Variants in NRDC observed in about 807,000 individuals in gnomAD.
NRDC encodes nardilysin convertase.
NRDC carries 54 observed loss-of-function variants against 147.1 expected under a neutral mutation model. The ratio of observed to expected loss-of-function variants is 0.37; its 90% confidence interval spans 0.29 to 0.46. NRDC has a LOEUF of 0.46. Ranked by LOEUF, NRDC falls within the 20% of genes least tolerant of loss-of-function variation. The pLI, the probability that NRDC is intolerant of heterozygous loss-of-function variation, is 1.00. For missense variants in NRDC, 1,082 were observed against 1,370.6 expected, an observed-to-expected ratio of 0.79 and a Z score of 3.33; for synonymous variants, 440 against 482.1, an observed-to-expected ratio of 0.91 and a Z score of 1.14.
intron 26 of NRDC, 36 bp downstream of exon 26, chr1:51,792,006 GGCCC>G: frequency 4.4e-6 from 7 of 1,607,678 alleles, no homozygotes; most frequent in Non-Finnish European, 6.0e-6. Context: ...GTAAGCCCTA[GGCCC>G]TTATTTGAGC....
chr1:51,843,063 C>CAA (rs11356852), intron 1 of NRDC, among the ~76,000 whole-genome samples: 5,302 of 67,524 alleles, frequency 0.079, 270 homozygotes, highest in Middle Eastern at 0.085. Context: ...AAACCTGTCT[C>CAA]AAAAAAAAAA....
intron 1 of NRDC, among the ~76,000 whole-genome samples, chr1:51,867,715 A>C (rs1191590918): frequency 2.0e-5 from 3 of 152,204 alleles, no homozygotes; most frequent in Admixed American, 6.5e-5. Flanking sequence ...ACTAATGTAA[A>C]GATATTGGTG....
intron 5 of NRDC, among the ~76,000 whole-genome samples, chr1:51,827,356 G>C (rs570388146): frequency 6.6e-6 from 1 of 152,166 alleles, no homozygotes; most frequent in South Asian, 2.1e-4. Flanking sequence ...TATATGAACT[G>C]GAAGTCCCCT....
intron 1 of NRDC, among the ~76,000 whole-genome samples, chr1:51,860,583 TCTA>T (rs1258841162): frequency 1.3e-5 from 2 of 152,232 alleles, no homozygotes; most frequent in African/African-American, 4.8e-5. Context: ...TTTACTTCTA[TCTA>T]CTTTTTCATC....
chr1:51,855,238 G>C (rs1391087085), intron 1 of NRDC, among the ~76,000 whole-genome samples: 1 of 151,934 alleles, frequency 6.6e-6, no homozygotes, highest in Admixed American at 6.6e-5. Flanking sequence ...GCAAATCATC[G>C]GGGAGGTCAG....
At chr1:51,800,914 A>C in intron 20 of NRDC, 1 of 442,476 alleles carries the variant, frequency 2.3e-6, no homozygotes, top group Non-Finnish European at 4.0e-6. Flanking sequence ...TATCGACTGT[A>C]ATTCATTATA....
chr1:51,854,913 A>C (rs1334876479), intron 1 of NRDC, among the ~76,000 whole-genome samples: 1 of 152,246 alleles, frequency 6.6e-6, no homozygotes, highest in Non-Finnish European at 1.5e-5. Flanking sequence ...TCATATAGAG[A>C]GGAACTGGGG....
intron 15 of NRDC, among the ~76,000 whole-genome samples, chr1:51,810,653 T>C (rs929195149): frequency 1.2e-4 from 19 of 152,242 alleles, no homozygotes; most frequent in Admixed American, 6.5e-5. Context: ...TTATCTTAAA[T>C]CCTACATATT....
intron 1 of NRDC, among the ~76,000 whole-genome samples, chr1:51,870,465 C>T (rs12748434): frequency 0.06 from 9,111 of 152,248 alleles, 338 homozygotes; most frequent in Non-Finnish European, 0.08. Flanking sequence ...GTATTTACCA[C>T]GTATACACTT....
At chr1:51,800,418 G>T in intron 21 of NRDC, 138 bp downstream of exon 21, 1 of 916,414 alleles carries the variant, frequency 1.1e-6, no homozygotes, top group South Asian at 1.7e-5. Context: ...GCTATGCACG[G>T]GTCTCCTAAA....
intron 14 of NRDC, among the ~76,000 whole-genome samples, chr1:51,813,047 A>G (rs1272179635): frequency 6.6e-6 from 1 of 151,964 alleles, no homozygotes; most frequent in South Asian, 2.1e-4. Context: ...TGGGAGGCCA[A>G]TGAGGGAGGA....
intron 11 of NRDC, chr1:51,816,110 C>T: frequency 3.2e-6 from 1 of 317,412 alleles, no homozygotes; most frequent in Non-Finnish European, 5.9e-6. Flanking sequence ...CAACAATGGG[C>T]TAAAAGGTGG....
At chr1:51,844,226 A>C (rs1422805904) in intron 1 of NRDC, among the ~76,000 whole-genome samples, 2 of 152,122 alleles carry the variant, frequency 1.3e-5, no homozygotes, top group Non-Finnish European at 2.9e-5. Flanking sequence ...CTATGGGCTG[A>C]AATGTGTTCC....
At chr1:51,854,141 G>A (rs1005476381) in intron 1 of NRDC, among the ~76,000 whole-genome samples, 4 of 152,038 alleles carry the variant, frequency 2.6e-5, no homozygotes, top group Admixed American at 6.5e-5. Context: ...AGGCCGAGGC[G>A]GGTGGATCAC....
At chr1:51,809,076 G>C (rs1679595713) in intron 17 of NRDC, among the ~76,000 whole-genome samples, 1 of 152,208 alleles carries the variant, frequency 6.6e-6, no homozygotes. Flanking sequence ...AGAGTCCCAA[G>C]ATCTGTGTTT....
In NRDC at chr1:51,823,781, C is replaced by T; in HGVS notation, c.1042G>A (p.Ala348Thr). The T allele has an allele frequency of 1.3e-6, 2 of 1,590,424 alleles. No individual in the cohort carries two copies. Among genetic ancestry groups the T allele is most frequent in the Non-Finnish European group, 1.7e-6 (2 of 1,168,438 alleles). The change falls in exon 7 of 31, where the codon GCT (alanine) becomes ACT (threonine). Residue 348 changes from alanine to threonine, a missense_variant. Around this residue, in one of 3 missense-constraint regions of NRDC, gnomAD observed 635 missense variants for 923.8 expected, o/e 0.69. Coordinates refer to ENST00000352171, the MANE Select transcript of NRDC (RefSeq NM_001101662.2). ...HPMGKFFWGN[A>T]ETLKHEPRKN... The stretch of plus-strand genomic sequence containing the variant: ...CTTGGCTCATGCTTGAGCGTCTCAG[C>T]ATTTCCTATAAAAGAATGAAAAAAA...
At chr1:51,869,447 C>T (rs376325158) in intron 1 of NRDC, among the ~76,000 whole-genome samples, 3 of 152,160 alleles carry the variant, frequency 2.0e-5, no homozygotes, top group South Asian at 2.1e-4. Context: ...TATATGAATA[C>T]GTGAAAAACT....
intron 8 of NRDC, among the ~76,000 whole-genome samples, chr1:51,820,811 T>C (rs1680177390): frequency 6.6e-6 from 1 of 152,170 alleles, no homozygotes; most frequent in Admixed American, 6.5e-5. Context: ...TCATTAATTT[T>C]GTTAAAATGC....
At chr1:51,834,293 G>A in intron 3 of NRDC, 123 bp from the exon 4 acceptor site, 1 of 995,026 alleles carries the variant, frequency 1.0e-6, no homozygotes, top group South Asian at 1.6e-5. Context: ...AAATGGTTAT[G>A]TCTGAATTCT....
Sources: allele counts gnomAD v4.1 joint callset (sites outside exome capture counted in the v4.1 genomes callset), GRCh38; gene constraint gnomAD v4.1.1; regional missense constraint gnomAD v4.1.1; transcripts MANE v1.5; gene names NCBI Gene and HGNC (gene_info 2026-07-23, HGNC 2026-07-21).